Variants in MAMDC4 observed in about 807,000 individuals in gnomAD.
MAMDC4 encodes the protein MAM domain containing 4.
A neutral mutation model predicts 153.3 loss-of-function variants in MAMDC4; 168 were observed. The observed-to-expected ratio is 1.10, with a 90% CI of 0.97 to 1.25. The LOEUF is 1.25. Among genes scored for constraint, MAMDC4 ranks in the 50% most tolerant of loss-of-function variants. The probability of loss-of-function intolerance (pLI) is 0.00; values close to 1 mark genes in which losing one functional copy is unlikely to be tolerated. For missense variants in MAMDC4, 1,701 were observed against 1,542.8 expected (o/e 1.10, Z -1.72); for synonymous variants, 744 against 651.5 (o/e 1.14, Z -2.16).
At position 136,858,382 on chromosome 9, in the gene MAMDC4, C is replaced by T; in HGVS notation, c.2675-18C>T. The T allele has an allele frequency of 6.2e-7, 1 of 1,600,866 alleles. No individual in the cohort carries two copies. The highest frequency in any genetic ancestry group is 1.1e-5 in the South Asian group (1 of 91,090). On this transcript the variant is annotated intron_variant, in intron 21 of 26. Transcript: ENST00000317446. Reference sequence around the variant, plus strand: ...TTGGGCCGTGGGGCAGCACCACTCACCCACCCATGTCCTGCAGGTTCCTGT... The same window carrying T: ...TTGGGCCGTGGGGCAGCACCACTCATCCACCCATGTCCTGCAGGTTCCTGT...
At position 136,857,727 on chromosome 9, in the gene MAMDC4, A is replaced by G. The variant is rs751779469; in HGVS notation, c.2395A>G (p.Lys799Glu). The change falls in exon 19 of 27, where the codon AAG becomes GAG. Residue 799 changes from lysine (K) to glutamate (E), a missense_variant. Lys to Glu is a moderately conservative substitution (Grantham distance 56). Transcript: ENST00000317446. ...PRGQTASLTS[K>E]EHRPLAQPAC... is the part of the protein sequence containing the mutation. ...GGGCCAGACGGCCTCCCTGACCTCC[A>G]AGGAGCACAGGCCCCTGGCCCAGCC... is the stretch of plus-strand genomic sequence containing the variant. 1 of 1,612,504 alleles carries G rather than the reference A, an allele frequency of 6.2e-7. No individual in the cohort carries two copies. Among genetic ancestry groups the G allele is most frequent in the South Asian group, 1.1e-5 (1 of 91,068 alleles).
chr9:136,855,102 C>T lies in MAMDC4; in HGVS notation c.1189C>T (p.Pro397Ser), dbSNP rs61745456. The part of the protein sequence containing the change: ...RDRVDIQSAY[P>S]FQILLAGQTG... ...CCGTGTTGACATCCAGAGCGCCTACCCCTTCCAGGTAGGGAACAGCAAGAG... is the reference window on the plus strand; with the variant it reads ...CCGTGTTGACATCCAGAGCGCCTACTCCTTCCAGGTAGGGAACAGCAAGAG... Residue 397 changes from proline to serine, a missense_variant, in exon 10 of 27, where the codon CCC (proline) becomes TCC (serine). By Grantham distance (74) the Pro-to-Ser change is moderately conservative. Coordinates refer to ENST00000317446, the MANE Select transcript of MAMDC4 (RefSeq NM_206920.3). 0.021 allele frequency: 33,450 copies of T among 1,575,854 alleles called. 435 individuals are homozygous for T. The highest frequency in any genetic ancestry group is 0.026 in the Non-Finnish European group (30,101 of 1,161,200).
Position 136,859,909 on chromosome 9 carries a change from G to A in MAMDC4, c.3217G>A (p.Val1073Met), listed in dbSNP as rs150088967. ...SPGNTAAPGS[V>M]PAVVGSALLL... ...AGGGAACACAGCCGCACCCGGGTCT[G>A]TGCCAGCTGTGGTTGGCAGTGCCCT... is the stretch of plus-strand genomic sequence containing the variant. Residue 1073 changes from valine (V) to methionine (M), a missense_variant, in exon 26 of 27, where the codon GTG becomes ATG. Coordinates refer to ENST00000317446, the MANE Select transcript of MAMDC4 (RefSeq NM_206920.3). The A allele has an allele frequency of 4.5e-4, 721 of 1,612,340 alleles. 2 individuals are homozygous for A. The African/African-American group carries it at 8.9e-3, about 20-fold the overall frequency.
chr9:136,856,121 G>A lies in MAMDC4; in HGVS notation c.1692G>A (p.Leu564=). ...CTGGCCCCAGCTGTGAACTCCACCT[G>A]GCTTATTATTTACAGAGCCAGCCCC... ...GPSGPSCELH[L]AYYLQSQPRE... is the part of the protein sequence containing the mutation. The change falls in exon 14 of 27, where the codon CTG becomes CTA. Residue 564 remains leucine (L), a synonymous_variant. Transcript: ENST00000317446. The A allele has an allele frequency of 1.2e-6, 2 of 1,612,468 alleles. No homozygotes were observed. Among genetic ancestry groups the A allele is most frequent in the East Asian group, 2.2e-5 (1 of 44,876 alleles).
Position 136,853,528 on chromosome 9 carries a change from CCT to C in MAMDC4, c.329-13_329-12del. ...CCTTGCTCCCTGCCCCGTCTCCTGA[CCT>C]CTCACCTGCGCCAGGCTGGTACATG... On this transcript the variant is annotated splice_polypyrimidine_tract_variant and intron_variant, in intron 3 of 26. Transcript: ENST00000317446. The C allele has an allele frequency of 6.2e-7, 1 of 1,612,638 alleles. No homozygotes were observed. The highest frequency in any genetic ancestry group is 8.5e-7 in the Non-Finnish European group (1 of 1,179,958).
At position 136,858,533 on chromosome 9, in the gene MAMDC4, G is replaced by A. The variant is rs772361028; in HGVS notation, c.2808G>A (p.Leu936=). The A allele has an allele frequency of 2.5e-6, 4 of 1,584,412 alleles. No homozygotes were observed. The highest frequency in any genetic ancestry group is 3.4e-6 in the Non-Finnish European group (4 of 1,166,764). The part of the protein sequence containing the change: ...RYPQPPVDHT[L]GTEAGHFAFF... ...CCCAGCCCCCTGTGGACCACACCCT[G>A]GGCACAGAGGCAGGTACGTGCCCAC... Residue 936 remains leucine (L), a synonymous_variant, in exon 22 of 27, where the codon CTG becomes CTA. Coordinates refer to ENST00000317446, the MANE Select transcript of MAMDC4 (RefSeq NM_206920.3).
chr9:136,853,848 T>C lies in MAMDC4; in HGVS notation c.526T>C (p.Trp176Arg), dbSNP rs148622184. Residue 176 changes from tryptophan (W) to arginine (R), a missense_variant, in exon 5 of 27, where the codon TGG (tryptophan) becomes CGG (arginine). Coordinates refer to ENST00000317446, the MANE Select transcript of MAMDC4 (RefSeq NM_206920.3). ...GACCCTGTGGCAGAGCACAGGGCCC[T>C]GGGGCCCTGGCTGGCAGGAGTTGGC... ...TLTLWQSTGP[W>R]GPGWQELAVT... is the part of the protein sequence containing the mutation. The C allele has an allele frequency of 2.6e-4, 423 of 1,611,640 alleles. No individual in the cohort carries two copies. The highest frequency in any genetic ancestry group is 3.2e-4 in the Non-Finnish European group (376 of 1,179,268).
In MAMDC4 at chr9:136,855,607, G is replaced by A. The variant is rs376290390; in HGVS notation, c.1459G>A (p.Glu487Lys). The A allele has an allele frequency of 5.6e-4, 888 of 1,580,474 alleles. 5 individuals carry two copies. The South Asian group carries it at 9.4e-3, about 17-fold the overall frequency. ...FEEQCAGGED[E>K]QACGTTDFES... is the part of the protein sequence containing the mutation. ...GGAGCAGTGCGCAGGGGGCGAGGAC[G>A]AGCAGGCCTGTGGTAAAGGGGCTCA... is the stretch of plus-strand genomic sequence containing the variant. Residue 487 changes from glutamate (E) to lysine (K), a missense_variant, in exon 12 of 27, where the codon GAG (glutamate) becomes AAG (lysine). Transcript: ENST00000317446.
Position 136,856,129 on chromosome 9 carries a change from A to T in MAMDC4, c.1700A>T (p.Tyr567Phe). 1.2e-6 allele frequency: 2 copies of T among 1,612,164 alleles called. No individual in the cohort carries two copies. The highest frequency in any genetic ancestry group is 1.7e-6 in the Non-Finnish European group (2 of 1,179,752). Reference sequence around the variant, plus strand: ...AGCTGTGAACTCCACCTGGCTTATTATTTACAGAGCCAGCCCCGAGGTACC... The same window carrying T: ...AGCTGTGAACTCCACCTGGCTTATTTTTTACAGAGCCAGCCCCGAGGTACC... ...GPSCELHLAY[Y>F]LQSQPREVSC... Residue 567 changes from tyrosine (Y) to phenylalanine (F), a missense_variant, in exon 14 of 27, where the codon TAT becomes TTT. Tyr to Phe is a conservative substitution (Grantham distance 22, BLOSUM62 3). Transcript: ENST00000317446.
rs372159224 is a variant in MAMDC4, at chr9:136,855,440, C to A, written c.1292C>A (p.Thr431Asn). 14 of 1,609,406 alleles carry A rather than the reference C, an allele frequency of 8.7e-6. No individual in the cohort carries two copies. The highest frequency in any genetic ancestry group is 1.3e-5 in the African/African-American group (1 of 74,852). ...DHCRPVSEVSTLQPLPPGPRA... is the reference protein window; with the variant it reads ...DHCRPVSEVSNLQPLPPGPRA... ...AGTTCTGCCCCCACAGAGGTGTCCA[C>A]CCTGCAGCCGCTGCCTCCTGGGCCC... is the stretch of plus-strand genomic sequence containing the variant. Residue 431 changes from threonine (T) to asparagine (N), a missense_variant, in exon 12 of 27, where the codon ACC (threonine) becomes AAC (asparagine). Coordinates refer to ENST00000317446, the MANE Select transcript of MAMDC4 (RefSeq NM_206920.3).
intron 14 of MAMDC4, 120 bp downstream of exon 14, chr9:136,856,269 T>C (rs1849002671): frequency 1.3e-6 from 2 of 1,506,004 alleles, no homozygotes; most frequent in African/African-American, 1.4e-5. Context: ...TTCCTGGCAC[T>C]AGTTGTGGTG....
At position 136,857,418 on chromosome 9, in the gene MAMDC4, G is replaced by C; in HGVS notation, c.2158G>C (p.Asp720His). 6.2e-7 allele frequency: 1 copy of C among 1,608,290 alleles called. No individual in the cohort carries two copies. Among genetic ancestry groups the C allele is most frequent in the Non-Finnish European group, 8.5e-7 (1 of 1,179,918 alleles). ...DGYHGTMALD[D>H]VAVRPGPCWA... ...ATACCACGGCACCATGGCGCTGGAC[G>C]ATGTGGCCGTGCGGCCGGGCCCCTG... Residue 720 changes from aspartate (D) to histidine (H), a missense_variant, in exon 18 of 27, where the codon GAT becomes CAT. Coordinates refer to ENST00000317446, the MANE Select transcript of MAMDC4 (RefSeq NM_206920.3).
Position 136,855,547 on chromosome 9 carries a change from C to G in MAMDC4, c.1399C>G (p.Leu467Val). The G allele has an allele frequency of 2.5e-6, 4 of 1,591,540 alleles. No individual in the cohort carries two copies. Among genetic ancestry groups the G allele is most frequent in the Non-Finnish European group, 3.4e-6 (4 of 1,169,316 alleles). ...GCAGGGGCATCTTGCCTGCGGGGAC[C>G]TGTGTGTGCCCCCGGAACAACTGTG... Reference protein sequence around the residue: ...CKQGHLACGDLCVPPEQLCDF... With the variant: ...CKQGHLACGDVCVPPEQLCDF... Residue 467 changes from leucine to valine, a missense_variant, in exon 12 of 27, where the codon CTG (leucine) becomes GTG (valine). Coordinates refer to ENST00000317446, the MANE Select transcript of MAMDC4 (RefSeq NM_206920.3).
Position 136,858,784 on chromosome 9 carries a change from G to C in MAMDC4, c.2887G>C (p.Glu963Gln). The change falls in exon 23 of 27, where the codon GAG (glutamate) becomes CAG (glutamine). Residue 963 changes from glutamate (E) to glutamine (Q), a missense_variant. Glu to Gln is a conservative substitution (Grantham distance 29). Coordinates refer to ENST00000317446, the MANE Select transcript of MAMDC4 (RefSeq NM_206920.3). ...GGGCCGGGCCGCCTGGCTGCGCAGCGAGCCTCTGCCGGCCACCCCAGCCTC... is the reference window on the plus strand; with the variant it reads ...GGGCCGGGCCGCCTGGCTGCGCAGCCAGCCTCTGCCGGCCACCCCAGCCTC... ...PGGRAAWLRS[E>Q]PLPATPASCL... 2 of 1,610,684 alleles carry C rather than the reference G, an allele frequency of 1.2e-6. No homozygotes were observed. The highest frequency in any genetic ancestry group is 1.7e-6 in the Non-Finnish European group (2 of 1,178,980).
chr9:136,857,673 G>A lies in MAMDC4; in HGVS notation c.2341G>A (p.Val781Met), dbSNP rs1234558468. ...TETAQGHYMV[V>M]DTSPDALPRG... ...GGCACCTCCAGGGCACTACATGGTG[G>A]TGGACACAAGCCCAGACGCACTACC... Residue 781 changes from valine to methionine, a missense_variant, in exon 19 of 27, where the codon GTG becomes ATG. Val to Met is a conservative substitution (Grantham distance 21). Coordinates refer to ENST00000317446, the MANE Select transcript of MAMDC4 (RefSeq NM_206920.3). 6.2e-7 allele frequency: 1 copy of A among 1,612,570 alleles called. No homozygotes were observed. The highest frequency in any genetic ancestry group is 1.7e-5 in the Admixed American group (1 of 60,004).
In MAMDC4 at chr9:136,855,029, C is replaced by T. The variant is rs545519372; in HGVS notation, c.1116C>T (p.Val372=). 6.2e-7 allele frequency: 1 copy of T among 1,606,972 alleles called. No homozygotes were observed. The highest frequency in any genetic ancestry group is 8.5e-7 in the Non-Finnish European group (1 of 1,178,204). ...GGCCCGGCGCCCCCCGGGCCCCCGT[C>T]CTGCTGCGGAGGCGCCGAGGGGAGC... ...TLGPGAPRAP[V]LLRRRRGELG... Residue 372 remains valine, a synonymous_variant, in exon 10 of 27, where the codon GTC becomes GTT. Transcript: ENST00000317446.
intron 20 of MAMDC4, 33 bp from the exon 21 acceptor site, chr9:136,858,153 C>T (rs1314629971): frequency 1.3e-6 from 2 of 1,547,450 alleles, no homozygotes; most frequent in South Asian, 2.3e-5. Context: ...GCTGCCTGGA[C>T]CCGCTGAGGC....
chr9:136,855,262 G>A lies in MAMDC4; in HGVS notation c.1206G>A (p.Leu402=), dbSNP rs1412064401. 1 of 1,596,136 alleles carries A rather than the reference G, an allele frequency of 6.3e-7. No homozygotes were observed. The highest frequency in any genetic ancestry group is 2.2e-5 in the East Asian group (1 of 44,754). The change falls in exon 11 of 27, where the codon CTG becomes CTA. Residue 402 remains leucine, a synonymous_variant. Transcript: ENST00000317446. ...AGCCCCTCTGCCCTCAGATCCTCCT[G>A]GCCGGGCAGACAGGCCCGGGGGGCG... The part of the protein sequence containing the change: ...IQSAYPFQIL[L]AGQTGPGGVV...
In MAMDC4 at chr9:136,853,106, G is replaced by A. The variant is rs1386659661; in HGVS notation, c.51G>A (p.Gly17=). The A allele has an allele frequency of 6.2e-7, 1 of 1,612,304 alleles. No individual in the cohort carries two copies. The highest frequency in any genetic ancestry group is 2.2e-5 in the East Asian group (1 of 44,886). ...TGGCTGTCAACCTCCCAGCAGCAGG[G>A]TCCTCAGGCTGGGCCTGGGTCCCCA... ...LLPALVLFLA[G]SSGWAWVPNH... The change falls in exon 2 of 27, where the codon GGG becomes GGA. Residue 17 remains glycine (G), a synonymous_variant. Coordinates refer to ENST00000317446, the MANE Select transcript of MAMDC4 (RefSeq NM_206920.3).
Sources: gnomAD v4.1 joint callset for allele counts on GRCh38, gnomAD v4.1.1 for gene constraint, MANE v1.5 for transcripts, NCBI Gene and HGNC (gene_info 2026-07-23, HGNC 2026-07-21) for gene names.